The following UCHL3 variants were observed in gnomAD, a reference collection of about 807,000 sequenced individuals.
UCHL3 encodes ubiquitin C-terminal hydrolase L3.
In UCHL3, 22 loss-of-function variants were observed where a neutral mutation model predicts 35.8. The observed-to-expected ratio is 0.61, with a 90% confidence interval of 0.44 to 0.88. The LOEUF is 0.88. Ranked by LOEUF, UCHL3 falls within the 40% of genes least tolerant of loss-of-function variation. The probability of loss-of-function intolerance (pLI) is 0.00; values close to 1 mark genes in which losing one functional copy is unlikely to be tolerated. For missense variants in UCHL3, 229 were observed against 276.9 expected (o/e 0.83, Z 1.23); for synonymous variants, 90 against 92.8 (o/e 0.97, Z 0.17).
rs749370546 is a variant in UCHL3, at chr13:75,592,435, T to TACATATATATATAC, written c.475-2479_475-2478insCATATATATATACA. On this transcript the variant is annotated intron_variant, in intron 6 of 8. Transcript: ENST00000377595. ...TCCTTCATATATATATATATATATA[T>TACATATATATATAC]ATATATATATATATATATATATATA... 1.3e-4 allele frequency among the ~76,000 whole-genome samples: 13 copies of TACATATATATATAC among 98,760 alleles called. 1 individual carries two copies. Among genetic ancestry groups the TACATATATATATAC allele is most frequent in the African/African-American group, 4.9e-4 (12 of 24,580 alleles). The allele number at this position is 98,760 out of a possible 152,430, so 64.8% of individuals were successfully genotyped here.
chr13:75,584,348 G>A (rs995364891), intron 6 of UCHL3, among the ~76,000 whole-genome samples: 6 of 152,150 alleles, frequency 3.9e-5, no homozygotes, highest in Non-Finnish European at 5.9e-5. Flanking sequence ...AAAGCCTAAA[G>A]CTGAGAGTGG....
At chr13:75,570,672 GTT>G (rs2031826802) in intron 6 of UCHL3, among the ~76,000 whole-genome samples, 1 of 152,222 alleles carries the variant, frequency 6.6e-6, no homozygotes, top group Non-Finnish European at 1.5e-5. Context: ...GCTTTGGAAA[GTT>G]AAAGCAGAAG....
intron 6 of UCHL3, chr13:75,590,177 C>CTTTTTTTTT (rs35178906): frequency 1.1e-6 from 1 of 886,430 alleles, no homozygotes; most frequent in Non-Finnish European, 1.5e-6. Context: ...CAAGGGCTGT[C>CTTTTTTTTT]TTTTTTTTTT....
intron 3 of UCHL3, among the ~76,000 whole-genome samples, chr13:75,561,881 G>A (rs7997046): frequency 0.11 from 16,736 of 150,128 alleles, 3,200 homozygotes; most frequent in African/African-American, 0.39. Flanking sequence ...ACGTATATAC[G>A]TATACATATA....
At chr13:75,588,088 G>A (rs2032376058) in intron 6 of UCHL3, among the ~76,000 whole-genome samples, 1 of 151,934 alleles carries the variant, frequency 6.6e-6, no homozygotes, top group Non-Finnish European at 1.5e-5. Flanking sequence ...AAAAGTAAGA[G>A]GCTAACTGAT....
intron 6 of UCHL3, among the ~76,000 whole-genome samples, chr13:75,585,060 G>T (rs1008466207): frequency 2.6e-5 from 4 of 151,956 alleles, no homozygotes; most frequent in Non-Finnish European, 5.9e-5. Context: ...ATATGATGGG[G>T]GTGGGAGTGG....
chr13:75,571,925 GCAGT>G (rs1037162360), intron 6 of UCHL3, among the ~76,000 whole-genome samples: 3 of 151,816 alleles, frequency 2.0e-5, no homozygotes, highest in African/African-American at 7.3e-5. Context: ...TCAAGCCTGT[GCAGT>G]CAGTTTCAGG....
intron 3 of UCHL3, among the ~76,000 whole-genome samples, chr13:75,561,822 T>TATAC (rs2031517133): frequency 1.4e-5 from 1 of 73,958 alleles, no homozygotes; most frequent in African/African-American, 3.6e-5. Flanking sequence ...CGTATACGTA[T>TATAC]ATACGTACGT....
At chr13:75,587,531 G>C (rs1410121012) in intron 6 of UCHL3, among the ~76,000 whole-genome samples, 1 of 151,964 alleles carries the variant, frequency 6.6e-6, no homozygotes, top group Non-Finnish European at 1.5e-5. Context: ...AGGATTAAAG[G>C]GCCATGATAT....
chr13:75,565,927 A>G (rs2031669121), intron 3 of UCHL3, among the ~76,000 whole-genome samples: 1 of 152,248 alleles, frequency 6.6e-6, no homozygotes, highest in African/African-American at 2.4e-5. Context: ...AGTCAGCTAT[A>G]GAGCCCACAT....
chr13:75,586,143 A>G (rs895857162), intron 6 of UCHL3, among the ~76,000 whole-genome samples: 4 of 152,116 alleles, frequency 2.6e-5, no homozygotes, highest in Non-Finnish European at 4.4e-5. Context: ...AAAAAACGTA[A>G]GAAGATAACA....
At chr13:75,577,350 C>T (rs1298795257) in intron 6 of UCHL3, among the ~76,000 whole-genome samples, 1 of 152,072 alleles carries the variant, frequency 6.6e-6, no homozygotes, top group African/African-American at 2.4e-5. Context: ...TATAGTATAA[C>T]AACAATTTTT....
At chr13:75,558,858 C>T (rs973251232) in intron 2 of UCHL3, among the ~76,000 whole-genome samples, 7 of 151,976 alleles carry the variant, frequency 4.6e-5, no homozygotes, top group Admixed American at 2.6e-4. Flanking sequence ...TAATTTTTAT[C>T]CTTTTTGGTT....
In UCHL3 at chr13:75,590,267, C is replaced by T. The variant is rs377746297; in HGVS notation, c.475-4648C>T. 13 of 1,184,418 alleles carry T rather than the reference C, an allele frequency of 1.1e-5. No individual in the cohort carries two copies. In the African/African-American group the frequency reaches 1.3e-4, roughly 12 times the overall value. 73.4% of individuals were successfully genotyped at this position (1,184,418 alleles called of 1,614,324 possible). On this transcript the variant is annotated intron_variant, in intron 6 of 8. Coordinates refer to ENST00000377595, the MANE Select transcript of UCHL3 (RefSeq NM_006002.5). Reference sequence around the variant, plus strand: ...AGCTTTTTCTCCCCCAATAAGATTGCAAGCATATCTCTATGCTTTGCATTC... The same window carrying T: ...AGCTTTTTCTCCCCCAATAAGATTGTAAGCATATCTCTATGCTTTGCATTC...
At chr13:75,592,437 T>TACATACATATATAC (rs1566227988) in intron 6 of UCHL3, among the ~76,000 whole-genome samples, 1 of 59,228 alleles carries the variant, frequency 1.7e-5, no homozygotes, top group East Asian at 3.1e-4. Context: ...TATATATATA[T>TACATACATATATAC]ATATATATAT....
intron 6 of UCHL3, among the ~76,000 whole-genome samples, chr13:75,579,494 C>A (rs2032118932): frequency 6.6e-6 from 1 of 151,912 alleles, no homozygotes; most frequent in African/African-American, 2.4e-5. Context: ...TTCTTCTGAA[C>A]ATTGCTTGAA....
intron 7 of UCHL3, among the ~76,000 whole-genome samples, chr13:75,601,192 G>C (rs4611344): frequency 6.6e-6 from 1 of 152,174 alleles, no homozygotes; most frequent in African/African-American, 2.4e-5. Flanking sequence ...CTAATAAAGA[G>C]GTCATGAACA....
At chr13:75,567,011 C>T (rs2031706175) in intron 4 of UCHL3, among the ~76,000 whole-genome samples, 160 bp downstream of exon 4, 1 of 152,156 alleles carries the variant, frequency 6.6e-6, no homozygotes, top group Non-Finnish European at 1.5e-5. Context: ...AAATATTAAT[C>T]CTTCTCATTC....
intron 3 of UCHL3, among the ~76,000 whole-genome samples, chr13:75,563,810 T>G (rs144094499): frequency 6.6e-6 from 1 of 152,178 alleles, no homozygotes; most frequent in Non-Finnish European, 1.5e-5. Context: ...AGTGATATTA[T>G]ACAATATTTT....
Sources: allele counts gnomAD v4.1 joint callset (sites outside exome capture counted in the v4.1 genomes callset), GRCh38; gene constraint gnomAD v4.1.1; transcripts MANE v1.5; gene names NCBI Gene and HGNC (gene_info 2026-07-23, HGNC 2026-07-21).